The following SV2C variants were observed in gnomAD, a reference collection of about 807,000 sequenced individuals.
The protein encoded by SV2C is solute carrier family 22 member B3.
A neutral mutation model predicts 79.7 loss-of-function variants in SV2C; 49 were observed. The ratio of observed to expected loss-of-function variants is 0.61; its 90% CI spans 0.49 to 0.78. The LOEUF (loss-of-function observed/expected upper bound fraction) is 0.78. SV2C is among the 30% of genes least tolerant of loss of function. SV2C has a pLI of 0.00. For synonymous variants in SV2C, 334 were observed against 333.2 expected, an observed-to-expected ratio of 1.00 and a Z score of -0.03; for missense variants, 833 against 912.9, an observed-to-expected ratio of 0.91 and a Z score of 1.13.
chr5:75,850,527 T>C, the SV2C span, among the ~76,000 whole-genome samples: 1 of 152,166 alleles, frequency 6.6e-6, no homozygotes, highest in East Asian at 1.9e-4. Context: ...AATTTGTTAC[T>C]ATGACTACCT....
At chr5:75,871,818 T>A in the SV2C span, among the ~76,000 whole-genome samples, 253 of 128,792 alleles carry the variant, frequency 2.0e-3, no homozygotes, top group African/African-American at 8.2e-3. Flanking sequence ...AATATATAAA[T>A]ATATATATAT....
the SV2C span, among the ~76,000 whole-genome samples, chr5:75,993,395 G>A: frequency 7.9e-5 from 12 of 152,008 alleles, no homozygotes; most frequent in East Asian, 1.6e-3. Flanking sequence ...TCAAGGGAGC[G>A]GGGAGGCAAA....
the SV2C span, among the ~76,000 whole-genome samples, chr5:76,061,268 T>TAA: frequency 0.014 from 703 of 51,350 alleles, 23 homozygotes; most frequent in Middle Eastern, 0.057. Context: ...CTTCAATTTG[T>TAA]AAAAAAAAAA....
intron 2 of SV2C, among the ~76,000 whole-genome samples, chr5:76,132,553 T>C (rs1288380866): frequency 5.9e-5 from 9 of 152,248 alleles, no homozygotes; most frequent in Non-Finnish European, 1.0e-4. Flanking sequence ...TACTATATTT[T>C]CTTTATCATC....
Position 76,330,634 on chromosome 5 carries a change from C to T in SV2C, c.*5087C>T, listed in dbSNP as rs2112574798. On this transcript the variant is annotated 3_prime_UTR_variant, in exon 13 of 13. Coordinates refer to ENST00000502798, the MANE Select transcript of SV2C (RefSeq NM_014979.4). ...TAGCCTTCAGCAGGCAGTGCAGGAA[C>T]TATTCAGTCATTGAGATAACCTTTG... 6.7e-6 allele frequency: 1 copy of T among 150,130 alleles called. No homozygotes were observed. Among genetic ancestry groups the T allele is most frequent in the African/African-American group, 2.5e-5 (1 of 40,560 alleles). 9.3% of individuals were successfully genotyped at this position (150,130 alleles called of 1,614,324 possible). A position where few individuals can be genotyped will look rare whatever the true frequency, so the allele number is the denominator to read the frequency against.
At chr5:76,301,293 T>A (rs1337791927) in intron 11 of SV2C, 93 bp from the exon 12 acceptor site, 2 of 1,517,262 alleles carry the variant, frequency 1.3e-6, no homozygotes, top group Non-Finnish European at 1.8e-6. Context: ...CCACTTAGAA[T>A]TCAGTTTTCT....
the SV2C span, among the ~76,000 whole-genome samples, chr5:75,895,427 G>A: frequency 2.6e-5 from 4 of 152,110 alleles, no homozygotes; most frequent in Non-Finnish European, 5.9e-5. Flanking sequence ...AGAAAAATAT[G>A]AGAATGAGCT....
chr5:76,287,825 A>G (rs778044466), intron 6 of SV2C, among the ~76,000 whole-genome samples: 2 of 152,212 alleles, frequency 1.3e-5, no homozygotes, highest in Non-Finnish European at 2.9e-5. Context: ...GGTGACTCAC[A>G]CCCATAATCC....
the SV2C span, among the ~76,000 whole-genome samples, chr5:75,916,215 T>TCTTCCTCCCCTTCCC: frequency 1.3e-5 from 2 of 151,420 alleles, no homozygotes; most frequent in Non-Finnish European, 2.9e-5. Flanking sequence ...CTCCTCCTCC[T>TCTTCCTCCCCTTCCC]CTTCCTCCCC....
At chr5:75,878,681 A>G in the SV2C span, among the ~76,000 whole-genome samples, 1 of 152,132 alleles carries the variant, frequency 6.6e-6, no homozygotes, top group East Asian at 1.9e-4. Flanking sequence ...TAAGATAATC[A>G]TTGAGGAGCT....
the SV2C span, among the ~76,000 whole-genome samples, chr5:76,063,617 T>A: frequency 6.6e-6 from 1 of 152,096 alleles, no homozygotes; most frequent in African/African-American, 2.4e-5. Flanking sequence ...GAGCCTATGG[T>A]CCTCCCAGAG....
chr5:76,242,781 T>G (rs551436597), intron 4 of SV2C, among the ~76,000 whole-genome samples: 51 of 151,754 alleles, frequency 3.4e-4, no homozygotes, highest in Non-Finnish European at 5.6e-4. Flanking sequence ...GCCTGTAATC[T>G]CAGCACTTTA....
intron 3 of SV2C, among the ~76,000 whole-genome samples, chr5:76,206,467 C>A (rs1054866324): frequency 6.6e-6 from 1 of 152,194 alleles, no homozygotes. Flanking sequence ...ACTCAGGAAC[C>A]CTTTGGGGGC....
At chr5:76,317,916 G>A (rs921493042) in intron 12 of SV2C, among the ~76,000 whole-genome samples, 1 of 152,140 alleles carries the variant, frequency 6.6e-6, no homozygotes, top group South Asian at 2.1e-4. Context: ...ATGGCTAATA[G>A]TCACATGGTG....
At chr5:76,213,131 C>T (rs539317955) in intron 4 of SV2C, among the ~76,000 whole-genome samples, 122 of 152,152 alleles carry the variant, frequency 8.0e-4, no homozygotes, top group African/African-American at 2.9e-3. Context: ...ATATGAAAAC[C>T]TTATGCCCAT....
At chr5:75,927,279 G>A in the SV2C span, among the ~76,000 whole-genome samples, 2 of 152,048 alleles carry the variant, frequency 1.3e-5, no homozygotes, top group Non-Finnish European at 2.9e-5. Flanking sequence ...TACAGAAAGT[G>A]TGATATAAAC....
chr5:76,310,487 G>A (rs1371540840), intron 12 of SV2C, among the ~76,000 whole-genome samples: 1 of 152,226 alleles, frequency 6.6e-6, no homozygotes, highest in African/African-American at 2.4e-5. Context: ...GACCAAGGTA[G>A]AGGGTAAGAA....
At chr5:76,019,678 G>C in the SV2C span, among the ~76,000 whole-genome samples, 1 of 152,114 alleles carries the variant, frequency 6.6e-6, no homozygotes, top group Non-Finnish European at 1.5e-5. Context: ...TCGGATGAGA[G>C]ATTTGTGTCT....
the SV2C span, among the ~76,000 whole-genome samples, chr5:75,931,963 T>C: frequency 6.6e-6 from 1 of 152,190 alleles, no homozygotes; most frequent in African/African-American, 2.4e-5. Context: ...GACTGGTTTC[T>C]CTGTTTCCAA....
Sources: allele counts gnomAD v4.1 joint callset (sites outside exome capture counted in the v4.1 genomes callset), GRCh38; gene constraint gnomAD v4.1.1; transcripts MANE v1.5; gene names NCBI Gene and HGNC (gene_info 2026-07-23, HGNC 2026-07-21).